The following GALNT9 variants were observed in gnomAD, a reference collection of about 807,000 sequenced individuals.
GALNT9 encodes the protein polypeptide N-acetylgalactosaminyltransferase 9, also known as GalNAc transferase 9.
GALNT9 carries 47 observed loss-of-function variants against 63.1 expected under a neutral mutation model. The observed-to-expected ratio is 0.75, with a 90% CI of 0.59 to 0.95. The LOEUF is 0.95. GALNT9 is among the 40% of genes least tolerant of loss of function. The pLI is 0.00. For missense variants in GALNT9, 829 were observed against 874.8 expected (o/e 0.95, Z 0.66); for synonymous variants, 396 against 365.7 (o/e 1.08, Z -0.94).
At position 132,296,890 on chromosome 12, in the gene GALNT9, C is replaced by T. The variant is rs1029842073; in HGVS notation, c.239-10460G>A. 6.6e-6 allele frequency among the ~76,000 whole-genome samples: 1 copy of T among 152,062 alleles called. No homozygotes were observed. Among genetic ancestry groups the T allele is most frequent in the Non-Finnish European group, 1.5e-5 (1 of 67,998 alleles). On this transcript the variant is annotated intron_variant, in intron 1 of 10. Transcript: ENST00000328957. The surrounding 1 kb of genome is among the most constrained non-coding windows in gnomAD (Gnocchi z 4.2). ...CTTCCATCAGGAGCCCACTCCCACA[C>T]AAACCAACTCACTCCCAAGATACCC... is the stretch of plus-strand genomic sequence containing the variant.
chr12:132,214,442 C>G (rs541866382), intron 6 of GALNT9, among the ~76,000 whole-genome samples: 5 of 152,228 alleles, frequency 3.3e-5, no homozygotes, highest in South Asian at 2.1e-4. Flanking sequence ...GAGCACCCCC[C>G]CAGCGTCTTT....
chr12:132,201,003 G>A (rs999051572), intron 8 of GALNT9, 121 bp downstream of exon 8: 7 of 990,222 alleles, frequency 7.1e-6, no homozygotes, highest in Non-Finnish European at 1.1e-5. Context: ...GGACCCTCTG[G>A]GGGAGGCGCT....
chr12:132,291,962 G>A (rs377535439), intron 1 of GALNT9, among the ~76,000 whole-genome samples: 3 of 152,128 alleles, frequency 2.0e-5, no homozygotes, highest in South Asian at 2.1e-4. Context: ...TGCAGCCCTC[G>A]TGGGTCGCAT....
At chr12:132,241,261 C>G (rs1690088418) in intron 6 of GALNT9, among the ~76,000 whole-genome samples, 4 of 56,326 alleles carry the variant, frequency 7.1e-5, no homozygotes, top group Admixed American at 3.1e-4. Context: ...CGCCACACCC[C>G]CTTCCCGGGG....
At chr12:132,297,608 T>C (rs533166782) in intron 1 of GALNT9, among the ~76,000 whole-genome samples, 77 of 150,558 alleles carry the variant, frequency 5.1e-4, no homozygotes, top group African/African-American at 1.8e-3. Context: ...ACTCCCATGA[T>C]AACCAGCTCA....
intron 1 of GALNT9, among the ~76,000 whole-genome samples, chr12:132,308,874 G>A (rs1381372692): frequency 6.6e-6 from 1 of 151,386 alleles, no homozygotes; most frequent in East Asian, 1.9e-4. Flanking sequence ...TACCCACAGG[G>A]CTCGGGATGG....
At position 132,328,959 on chromosome 12, in the gene GALNT9, C is replaced by G. The variant is rs1555246706; in HGVS notation, c.238+7G>C. The stretch of plus-strand genomic sequence containing the variant: ...TGCCCCCACTCCGCCCCGGCGCCCC[C>G]GCTCACCGTTGAGCTGGTTGTAGAC... On this transcript the variant is annotated splice_region_variant and intron_variant, in intron 1 of 10. Coordinates refer to ENST00000328957, the MANE Select transcript of GALNT9 (RefSeq NM_001122636.2). 6.6e-7 allele frequency: 1 copy of G among 1,515,856 alleles called. No individual in the cohort carries two copies. Among genetic ancestry groups the G allele is most frequent in the Non-Finnish European group, 8.8e-7 (1 of 1,130,638 alleles). 93.9% of individuals were successfully genotyped at this position (1,515,856 alleles called of 1,614,324 possible).
rs537352912 is a variant in GALNT9 at position 132,202,431 on chromosome 12, T to C, written c.1263+1074A>G. Reference sequence around the variant, plus strand: ...TGGGGGCTGGATGCTGGATTTGCAGTGAATGGTCCAGCCCGGGGCCACTTC... The same window carrying C: ...TGGGGGCTGGATGCTGGATTTGCAGCGAATGGTCCAGCCCGGGGCCACTTC... On this transcript the variant is annotated intron_variant, in intron 7 of 10. Transcript: ENST00000328957. Among the ~76,000 whole-genome samples, 52 of 152,216 alleles carry C rather than the reference T, an allele frequency of 3.4e-4. No individual in the cohort carries two copies. The South Asian group carries it at 0.01, about 30-fold the overall frequency.
chr12:132,310,018 G>A lies in GALNT9; in HGVS notation c.238+18948C>T, dbSNP rs1258806954. 6.6e-6 allele frequency among the ~76,000 whole-genome samples: 1 copy of A among 152,256 alleles called. No homozygotes were observed. Among genetic ancestry groups the A allele is most frequent in the Non-Finnish European group, 1.5e-5 (1 of 68,044 alleles). On this transcript the variant is annotated intron_variant, in intron 1 of 10. Transcript: ENST00000328957. The surrounding 1 kb of genome is among the most constrained non-coding windows in gnomAD (Gnocchi z 4.8). ...AGTCAGCAAGACTCGAGTGGAACTT[G>A]CTGGGTGGAATTTCTGAGAAATATG...
In GALNT9 at chr12:132,210,275, C is replaced by T. The variant is rs1467064056; in HGVS notation, c.1078-6585G>A. Among the ~76,000 whole-genome samples, 6 of 152,234 alleles carry T rather than the reference C, an allele frequency of 3.9e-5. No individual in the cohort carries two copies. The East Asian group carries it at 7.7e-4, about 20-fold the overall frequency. On this transcript the variant is annotated intron_variant, in intron 6 of 10. Coordinates refer to ENST00000328957, the MANE Select transcript of GALNT9 (RefSeq NM_001122636.2). ...ACTCCCCCTGTACATTCAGGACTGA[C>T]GTTGTCTTTGGCGGCGCTGTGGGCC... is the stretch of plus-strand genomic sequence containing the variant.
chr12:132,220,588 G>C (rs1877408446), intron 6 of GALNT9, among the ~76,000 whole-genome samples: 1 of 152,218 alleles, frequency 6.6e-6, no homozygotes, highest in African/African-American at 2.4e-5. Flanking sequence ...TGGCTGAAGA[G>C]AGGACTTGTT....
At chr12:132,208,361 A>G (rs1251294606) in intron 6 of GALNT9, among the ~76,000 whole-genome samples, 1 of 152,216 alleles carries the variant, frequency 6.6e-6, no homozygotes, top group Non-Finnish European at 1.5e-5. Flanking sequence ...GGCACTCTGC[A>G]CTGAGAGCAA....
At chr12:132,261,343 A>C (rs1362048244) in intron 3 of GALNT9, among the ~76,000 whole-genome samples, 3 of 152,170 alleles carry the variant, frequency 2.0e-5, no homozygotes, top group Non-Finnish European at 4.4e-5. Flanking sequence ...GCAAATAAGG[A>C]AACACACCAG....
chr12:132,321,895 C>T (rs1555246172), intron 1 of GALNT9, among the ~76,000 whole-genome samples: 1 of 152,070 alleles, frequency 6.6e-6, no homozygotes, highest in African/African-American at 2.4e-5. Context: ...GGCCACACTC[C>T]CTCTGAAGGC....
chr12:132,276,977 A>C (rs565911136), intron 2 of GALNT9, among the ~76,000 whole-genome samples: 2 of 152,274 alleles, frequency 1.3e-5, no homozygotes, highest in East Asian at 3.9e-4. Flanking sequence ...TCACACACAC[A>C]GATACATGCA....
At position 132,244,794 on chromosome 12, in the gene GALNT9, G is replaced by A. The variant is rs1370346268; in HGVS notation, c.1077+3116C>T. Among the ~76,000 whole-genome samples the A allele has an allele frequency of 1.4e-5, 2 of 141,642 alleles. 1 individual carries two copies. The highest frequency in any genetic ancestry group is 3.1e-5 in the Non-Finnish European group (2 of 64,636). 92.9% of individuals were successfully genotyped at this position (141,642 alleles called of 152,430 possible). A position where few individuals can be genotyped will look rare whatever the true frequency, so the allele number is the denominator to read the frequency against. ...GGGGCTGGACGGGGGCGTGGTGATG[G>A]GGCTGGACGGGCAGCATGGTGATGG... is the stretch of plus-strand genomic sequence containing the variant. On this transcript the variant is annotated intron_variant, in intron 6 of 10. Transcript: ENST00000328957.
intron 1 of GALNT9, among the ~76,000 whole-genome samples, chr12:132,289,708 G>A (rs782590596): frequency 6.6e-6 from 1 of 152,192 alleles, no homozygotes; most frequent in African/African-American, 2.4e-5. Context: ...GAAGAGAGAC[G>A]CTGCCATTCC....
chr12:132,257,570 C>A, intron 5 of GALNT9, 119 bp downstream of exon 5: 1 of 676,772 alleles, frequency 1.5e-6, no homozygotes, highest in Non-Finnish European at 2.5e-6. Context: ...CGTCCCCACG[C>A]CCTCGTCCCC....
At chr12:132,224,709 A>G (rs2135522335) in intron 6 of GALNT9, among the ~76,000 whole-genome samples, 1 of 112,410 alleles carries the variant, frequency 8.9e-6, no homozygotes, top group Non-Finnish European at 1.8e-5. Context: ...GTGCATACAC[A>G]CCAGACATAC....
Sources: allele counts gnomAD v4.1 joint callset (sites outside exome capture counted in the v4.1 genomes callset), GRCh38; gene constraint gnomAD v4.1.1; non-coding constraint Gnocchi (gnomAD v3.1); transcripts MANE v1.5; gene names NCBI Gene and HGNC (gene_info 2026-07-23, HGNC 2026-07-21).